Variants in AP2A2 observed in about 807,000 individuals in gnomAD.
AP2A2 encodes the protein adaptor related protein complex 2 subunit alpha 2, also known as AP-2 complex subunit alpha-2.
Under a neutral mutation model 104.2 loss-of-function variants are expected in AP2A2, and 32 were observed. The observed-to-expected ratio is 0.31, with a 90% CI of 0.23 to 0.41. The LOEUF (loss-of-function observed/expected upper bound fraction) is 0.41. Ranked by LOEUF, AP2A2 falls within the 10% of genes least tolerant of loss-of-function variation. The pLI, the probability that AP2A2 is intolerant of heterozygous loss-of-function variation, is 1.00. For missense variants in AP2A2, 912 were observed against 1,261.0 expected (o/e 0.72, Z 4.19); for synonymous variants, 539 against 533.3 (o/e 1.01, Z -0.15).
intron 14 of AP2A2, among the ~76,000 whole-genome samples, chr11:998,007 T>C (rs1855909587): frequency 6.6e-6 from 1 of 152,268 alleles, no homozygotes; most frequent in African/African-American, 2.4e-5. Context: ...ACTGTCTCCA[T>C]TTGGGCTGCA....
chr11:927,249 AT>A (rs1853149532), intron 1 of AP2A2, among the ~76,000 whole-genome samples: 2 of 94,926 alleles, frequency 2.1e-5, no homozygotes, highest in African/African-American at 6.7e-5. Context: ...TTTTGTAGAG[AT>A]GGGGGGGTCT....
At chr11:945,330 A>C (rs1447675873) in intron 1 of AP2A2, among the ~76,000 whole-genome samples, 1 of 151,908 alleles carries the variant, frequency 6.6e-6, no homozygotes, top group Non-Finnish European at 1.5e-5. Flanking sequence ...GGGGAATGAC[A>C]CTCAATTTTT....
intron 4 of AP2A2, among the ~76,000 whole-genome samples, chr11:975,878 C>T (rs1855014211): frequency 6.6e-6 from 1 of 152,206 alleles, no homozygotes; most frequent in South Asian, 2.1e-4. Flanking sequence ...GTGGTGGGGC[C>T]CCCGTCCCCT....
At chr11:958,162 A>C (rs1854297882) in intron 1 of AP2A2, among the ~76,000 whole-genome samples, 1 of 152,230 alleles carries the variant, frequency 6.6e-6, no homozygotes, top group Non-Finnish European at 1.5e-5. Context: ...GCCTTGTAAG[A>C]GGAAGAGAGA....
At chr11:958,932 T>C (rs1589966384) in intron 1 of AP2A2, among the ~76,000 whole-genome samples, 1 of 152,308 alleles carries the variant, frequency 6.6e-6, no homozygotes, top group South Asian at 2.1e-4. Flanking sequence ...CTGCATCTGT[T>C]TTGCGACTGC....
At chr11:930,130 A>G (rs925055577) in intron 1 of AP2A2, among the ~76,000 whole-genome samples, 6 of 151,672 alleles carry the variant, frequency 4.0e-5, no homozygotes, top group Admixed American at 3.3e-4. Flanking sequence ...CAAAAAAAAA[A>G]AAAAAAAAAA....
chr11:1,006,719 C>T (rs879023951), intron 17 of AP2A2, 102 bp downstream of exon 17: 3 of 863,168 alleles, frequency 3.5e-6, no homozygotes, highest in South Asian at 1.5e-5. Flanking sequence ...GTTAAAATAG[C>T]GAGATAATTC....
At position 1,009,208 on chromosome 11, in the gene AP2A2, G is replaced by A; in HGVS notation, c.2529G>A (p.Gln843=). Residue 843 remains glutamine (Q), a synonymous_variant, in exon 19 of 22, where the codon CAG becomes CAA. Coordinates refer to ENST00000448903, the MANE Select transcript of AP2A2 (RefSeq NM_012305.4). The part of the protein sequence containing the change: ...ASQDFFQRWK[Q]LSNPQQEVQN... ...AGGATTTCTTTCAACGTTGGAAGCA[G>A]TTGAGCAAGTGAGAAACCTGTTTCC... The A allele has an allele frequency of 6.2e-7, 1 of 1,613,638 alleles. No homozygotes were observed. Among genetic ancestry groups the A allele is most frequent in the Non-Finnish European group, 8.5e-7 (1 of 1,179,730 alleles).
intron 14 of AP2A2, chr11:995,456 T>G (rs905249092): frequency 4.4e-6 from 2 of 455,396 alleles, no homozygotes; most frequent in Non-Finnish European, 8.8e-6. Context: ...TTTGTCCAGT[T>G]AGAGGACCTG....
In AP2A2 at chr11:1,000,519, G is replaced by A. The variant is rs1430291629; in HGVS notation, c.2044G>A (p.Gly682Arg). ...AGPPPSSGGS[G>R]LLVDVFSDSA... The stretch of plus-strand genomic sequence containing the variant: ...CCCCCCACCCTCCTCCGGCGGCAGC[G>A]GGCTGCTCGTGGACGTGTTCTCAGA... The change falls in exon 15 of 22, where the codon GGG becomes AGG. Residue 682 changes from glycine to arginine, a missense_variant. This residue lies in a region of AP2A2 where 105 missense variants were observed against 90.9 expected (regional missense o/e 1.16). Transcript: ENST00000448903. 11 of 1,543,136 alleles carry A rather than the reference G, an allele frequency of 7.1e-6. No individual in the cohort carries two copies. Among genetic ancestry groups the A allele is most frequent in the Middle Eastern group, 1.8e-4 (1 of 5,534 alleles).
rs188213063 is a variant in AP2A2, at chr11:987,070, G to A, written c.1131+117G>A. 1.2e-3 allele frequency: 1,531 copies of A among 1,249,772 alleles called. 15 individuals are homozygous for A. The African/African-American group carries it at 0.021, about 17-fold the overall frequency. 77.4% of individuals were successfully genotyped at this position (1,249,772 alleles called of 1,614,324 possible). A position where few individuals can be genotyped will look rare whatever the true frequency, so the allele number is the denominator to read the frequency against. On this transcript the variant is annotated intron_variant, in intron 9 of 21. Coordinates refer to ENST00000448903, the MANE Select transcript of AP2A2 (RefSeq NM_012305.4). ...CCCCGCAGAGATGGAGGTGGTGCTGGTGCTGCTGGCCTCCGCCTGTCACCT... is the reference window on the plus strand; with the variant it reads ...CCCCGCAGAGATGGAGGTGGTGCTGATGCTGCTGGCCTCCGCCTGTCACCT...
chr11:979,846 A>G (rs1355510919), intron 5 of AP2A2, among the ~76,000 whole-genome samples: 11 of 152,250 alleles, frequency 7.2e-5, no homozygotes, highest in Admixed American at 6.5e-4. Context: ...GGATTACAGC[A>G]TAAGCCACCG....
chr11:999,622 C>T (rs11246376), intron 14 of AP2A2, among the ~76,000 whole-genome samples: 73,263 of 151,398 alleles, frequency 0.48, 18,594 homozygotes, highest in Admixed American at 0.64. Flanking sequence ...GGGCACCATG[C>T]CCAGCCAAAA....
chr11:994,670 G>T (rs1433928960), intron 14 of AP2A2, among the ~76,000 whole-genome samples: 5 of 120,042 alleles, frequency 4.2e-5, no homozygotes, highest in Admixed American at 1.6e-4. Context: ...TGCCCCCCTG[G>T]CCTGTCCCGG....
chr11:946,985 T>C (rs12278229), intron 1 of AP2A2: 70,585 of 148,680 alleles, frequency 0.47, 17,736 homozygotes, highest in Middle Eastern at 0.64. Flanking sequence ...TTTGTAACTT[T>C]TAGTCTCCTG....
chr11:1,003,886 T>G, intron 16 of AP2A2, 82 bp downstream of exon 16: 2 of 898,168 alleles, frequency 2.2e-6, no homozygotes, highest in Non-Finnish European at 3.4e-6. Context: ...CATATACTTA[T>G]AAGGGATAGA....
Position 989,566 on chromosome 11 carries a change from C to T in AP2A2, c.1269+877C>T, listed in dbSNP as rs967029291. ...TGTCCCTCTTGATCTCTGGGAAGGACGGGATCTAGGCCATAGCTTAATGTC... is the reference window on the plus strand; with the variant it reads ...TGTCCCTCTTGATCTCTGGGAAGGATGGGATCTAGGCCATAGCTTAATGTC... On this transcript the variant is annotated intron_variant, in intron 10 of 21. Transcript: ENST00000448903. Among the ~76,000 whole-genome samples the T allele has an allele frequency of 4.6e-5, 7 of 152,324 alleles. No individual in the cohort carries two copies. The East Asian group carries it at 9.6e-4, about 21-fold the overall frequency.
chr11:973,374 T>C (rs10794357), intron 4 of AP2A2, among the ~76,000 whole-genome samples: 90,464 of 151,844 alleles, frequency 0.6, 27,519 homozygotes, highest in Middle Eastern at 0.74. Context: ...AGCTGTGAGG[T>C]GAGGACGTCC....
intron 1 of AP2A2, among the ~76,000 whole-genome samples, chr11:936,118 A>G (rs1853451572): frequency 6.9e-6 from 1 of 145,684 alleles, no homozygotes; most frequent in Non-Finnish European, 1.5e-5. Context: ...CGTGTTAGCC[A>G]GGATGGTCTC....
Sources: allele counts gnomAD v4.1 joint callset (sites outside exome capture counted in the v4.1 genomes callset), GRCh38; gene constraint gnomAD v4.1.1; regional missense constraint gnomAD v4.1.1; transcripts MANE v1.5; gene names NCBI Gene and HGNC (gene_info 2026-07-23, HGNC 2026-07-21).